Variants in IRX4 observed in about 807,000 individuals in gnomAD.
The protein encoded by IRX4 is iroquois-class homeodomain protein IRX-4.
IRX4 carries 22 observed loss-of-function variants against 32.0 expected under a neutral mutation model. That is an observed-to-expected ratio of 0.69 (90% CI 0.49 to 0.98). The LOEUF (loss-of-function observed/expected upper bound fraction) is 0.98, where lower values mean the gene tolerates loss of function less well. IRX4 is among the 50% of genes least tolerant of loss of function. IRX4 has a pLI of 0.00. For synonymous variants in IRX4, 379 were observed against 351.7 expected, an observed-to-expected ratio of 1.08 and a Z score of -0.87; for missense variants, 840 against 744.2, an observed-to-expected ratio of 1.13 and a Z score of -1.50.
rs752152762 is a variant in IRX4 at position 1,880,758 on chromosome 5, T to A, written c.374A>T (p.Tyr125Phe). Residue 125 changes from tyrosine to phenylalanine, a missense_variant, in exon 3 of 5, where the codon TAC becomes TTC. Coordinates refer to ENST00000231357, the MANE Select transcript of IRX4 (RefSeq NM_016358.3). ...LAPAAAAYYP[Y>F]EPALGQYPYD... is the part of the protein sequence containing the mutation. ...GGGGTACTGGCCCAGAGCTGGCTCG[T>A]AAGGGTAGTAGGCGGCAGCGGCTGG... is the stretch of plus-strand genomic sequence containing the variant. 3.3e-5 allele frequency: 53 copies of A among 1,613,630 alleles called. No individual in the cohort carries two copies. Among genetic ancestry groups the A allele is most frequent in the Non-Finnish European group, 4.2e-5 (50 of 1,179,926 alleles).
At position 1,878,837 on chromosome 5, in the gene IRX4, G is replaced by A. The variant is rs201292906; in HGVS notation, c.737-45C>T. On this transcript the variant is annotated intron_variant, in intron 4 of 4. Coordinates refer to ENST00000231357, the MANE Select transcript of IRX4 (RefSeq NM_016358.3). ...GCCAGTGGAGGGAGAGGGTTGGTAGGTGAATCAGACCCCCTGTCCCCGTCC... is the reference window on the plus strand; with the variant it reads ...GCCAGTGGAGGGAGAGGGTTGGTAGATGAATCAGACCCCCTGTCCCCGTCC... 3,080 of 1,590,232 alleles carry A rather than the reference G, an allele frequency of 1.9e-3. 5 individuals carry two copies. Among genetic ancestry groups the A allele is most frequent in the Non-Finnish European group, 2.5e-3 (2,846 of 1,159,326 alleles).
In IRX4 at chr5:1,882,011, G is replaced by T. The variant is rs962499450; in HGVS notation, c.94C>A (p.Arg32Ser). The change falls in exon 2 of 5, where the codon CGC becomes AGC. Residue 32 changes from arginine (R) to serine (S), a missense_variant. Physicochemically the swap from Arg to Ser is moderately radical, Grantham distance 110. Coordinates refer to ENST00000231357, the MANE Select transcript of IRX4 (RefSeq NM_016358.3). ...SLSTCCESGG[R>S]TLADSGPAAS... Reference sequence around the variant, plus strand: ...GCGGGCCCGGAGTCCGCCAGCGTGCGGCCTCCGGACTCGCAGCACGTGCTC... The same window carrying T: ...GCGGGCCCGGAGTCCGCCAGCGTGCTGCCTCCGGACTCGCAGCACGTGCTC... 7.1e-6 allele frequency: 11 copies of T among 1,548,268 alleles called. No homozygotes were observed. In the East Asian group the frequency reaches 1.5e-4, roughly 21 times the overall value.
At chr5:1,881,077 G>GCCCC in intron 2 of IRX4, 1 of 337,070 alleles carries the variant, frequency 3.0e-6, no homozygotes, top group East Asian at 8.4e-5. Context: ...GGGCGGGGGG[G>GCCCC]AGGAGGTGCA....
intron 1 of IRX4, 104 bp downstream of exon 1, chr5:1,882,499 G>A (rs1268894035): frequency 3.9e-6 from 4 of 1,023,636 alleles, no homozygotes; most frequent in Non-Finnish European, 5.8e-6. Context: ...TGCTAGCTCG[G>A]AAGCCGCAGG....
At chr5:1,879,305 G>A (rs748401189) in intron 4 of IRX4, among the ~76,000 whole-genome samples, 199 bp downstream of exon 4, 3 of 152,162 alleles carry the variant, frequency 2.0e-5, no homozygotes, top group Admixed American at 2.0e-4. Context: ...ATTTTTATAC[G>A]TGATTTGAGT....
chr5:1,882,337 G>A (rs1579255184), intron 1 of IRX4, among the ~76,000 whole-genome samples: 1 of 152,168 alleles, frequency 6.6e-6, no homozygotes, highest in African/African-American at 2.4e-5. Flanking sequence ...GGTTCCTTGG[G>A]GTCCTAGGAC....
intron 1 of IRX4, 142 bp from the exon 2 acceptor site, chr5:1,882,201 C>G (rs1735474405): frequency 9.7e-7 from 1 of 1,030,856 alleles, no homozygotes; most frequent in African/African-American, 1.7e-5. Context: ...ATGCTCGCCC[C>G]TTTCCACTAG....
chr5:1,882,039 G>A lies in IRX4; in HGVS notation c.66C>T (p.Ser22=). ...CTCCGGACTCGCAGCACGTGCTCAG[G>A]GAGTTGGTGGCCATCAAGAACTGCA... ...SAPQFLMATN[S]LSTCCESGGR... The change falls in exon 2 of 5, where the codon TCC becomes TCT. Residue 22 remains serine, a synonymous_variant. Coordinates refer to ENST00000231357, the MANE Select transcript of IRX4 (RefSeq NM_016358.3). The A allele has an allele frequency of 6.4e-7, 1 of 1,552,952 alleles. No individual in the cohort carries two copies. Among genetic ancestry groups the A allele is most frequent in the Non-Finnish European group, 8.7e-7 (1 of 1,149,516 alleles).
In IRX4 at chr5:1,881,845, A is replaced by T; in HGVS notation, c.260T>A (p.Val87Glu). ...GGCGGACGCCTCCGAGCCGTAGGTCACGTAGTTGCCATAGCCCTGCGATCC... is the reference window on the plus strand; with the variant it reads ...GGCGGACGCCTCCGAGCCGTAGGTCTCGTAGTTGCCATAGCCCTGCGATCC... ...YGGSQGYGNY[V>E]TYGSEASAFY... The change falls in exon 2 of 5, where the codon GTG (valine) becomes GAG (glutamate). Residue 87 changes from valine to glutamate, a missense_variant. Around this residue, in one of 3 missense-constraint regions of IRX4, gnomAD observed 241 missense variants for 220.8 expected, o/e 1.09. Transcript: ENST00000231357. 6.3e-7 allele frequency: 1 copy of T among 1,578,926 alleles called. No individual in the cohort carries two copies. The highest frequency in any genetic ancestry group is 1.2e-5 in the South Asian group (1 of 86,108).
upstream of IRX4, among the ~76,000 whole-genome samples, chr5:1,886,582 G>T (rs1396751473): frequency 6.6e-6 from 1 of 152,168 alleles, no homozygotes; most frequent in Non-Finnish European, 1.5e-5. Flanking sequence ...CCTCCATGGG[G>T]GCCCGCGGCC....
chr5:1,880,855 G>C (rs960337045), intron 2 of IRX4, 21 bp from the exon 3 acceptor site: 6 of 1,599,112 alleles, frequency 3.8e-6, no homozygotes, highest in Non-Finnish European at 5.1e-6. Context: ...CAAGAGTCTG[G>C]GGTCGCAGTT....
chr5:1,883,453 G>A (rs1261005677), upstream of IRX4, among the ~76,000 whole-genome samples: 2 of 152,172 alleles, frequency 1.3e-5, no homozygotes, highest in African/African-American at 4.8e-5. Flanking sequence ...AATCAGCAAC[G>A]CCTCCCGCCG....
intron 4 of IRX4, 146 bp from the exon 5 acceptor site, chr5:1,878,938 G>C: frequency 2.4e-6 from 2 of 847,908 alleles, no homozygotes; most frequent in South Asian, 3.0e-5. Context: ...TCCTCCAGAG[G>C]CCACCAGGTC....
At position 1,879,409 on chromosome 5, in the gene IRX4, G is replaced by A. The variant is rs187577738; in HGVS notation, c.736+95C>T. 3.2e-5 allele frequency: 51 copies of A among 1,572,938 alleles called. No individual in the cohort carries two copies. In the African/African-American group the frequency reaches 5.1e-4, roughly 16 times the overall value. On this transcript the variant is annotated intron_variant, in intron 4 of 4. Coordinates refer to ENST00000231357, the MANE Select transcript of IRX4 (RefSeq NM_016358.3). ...CGGTGACCGCCTAGGCATGGGGCTC[G>A]GCGTTTGGGACCCCCAAGACGTCCT...
intron 1 of IRX4, 97 bp from the exon 2 acceptor site, chr5:1,882,156 C>T: frequency 7.1e-7 from 1 of 1,411,676 alleles, no homozygotes; most frequent in South Asian, 1.4e-5. Flanking sequence ...GGGCGTGCCC[C>T]GAGTACCCCC....
At chr5:1,881,735 C>T in intron 2 of IRX4, 73 bp downstream of exon 2, 1 of 1,533,528 alleles carries the variant, frequency 6.5e-7, no homozygotes, top group Non-Finnish European at 8.8e-7. Context: ...GACTGGCGCG[C>T]CTACTGGGGC....
chr5:1,879,554 CCCT>C lies in IRX4; in HGVS notation c.683_685del (p.Glu228del), dbSNP rs200684951. 3,187 of 1,609,918 alleles carry C rather than the reference CCCT, an allele frequency of 2.0e-3. 4 individuals carry two copies. The highest frequency in any genetic ancestry group is 2.5e-3 in the Non-Finnish European group (2,914 of 1,177,830). ...CTCCTCCCGCGCCTCCTCCTCGCCC[CCCT>C]CCTCCTCCTCGCCCTCCGCGTAGGG... On this transcript the variant is annotated inframe_deletion, in exon 4 of 5. Coordinates refer to ENST00000231357, the MANE Select transcript of IRX4 (RefSeq NM_016358.3).
chr5:1,885,776 C>G (rs1396797095), upstream of IRX4, among the ~76,000 whole-genome samples: 1 of 152,264 alleles, frequency 6.6e-6, no homozygotes, highest in African/African-American at 2.4e-5. Context: ...GAATATTTTC[C>G]AAGTGCCTTC....
At chr5:1,882,306 C>A (rs1383483820) in intron 1 of IRX4, among the ~76,000 whole-genome samples, 11 of 152,202 alleles carry the variant, frequency 7.2e-5, no homozygotes, top group Non-Finnish European at 1.5e-4. Flanking sequence ...GCCATTTGCG[C>A]GCCAAGCCTC....
Sources: allele counts gnomAD v4.1 joint callset (sites outside exome capture counted in the v4.1 genomes callset), GRCh38; gene constraint gnomAD v4.1.1; regional missense constraint gnomAD v4.1.1; transcripts MANE v1.5; gene names NCBI Gene and HGNC (gene_info 2026-07-23, HGNC 2026-07-21).